Variants in SFMBT2 observed in about 807,000 individuals in gnomAD.
The protein encoded by SFMBT2 is Scm like with four mbt domains 2.
SFMBT2 carries 38 observed loss-of-function variants against 110.1 expected under a neutral mutation model. The observed-to-expected ratio is 0.35, with a 90% CI of 0.27 to 0.45. The LOEUF (loss-of-function observed/expected upper bound fraction) is 0.45. Ranked by LOEUF, SFMBT2 falls within the 20% of genes least tolerant of loss-of-function variation. SFMBT2 has a pLI of 1.00. For missense variants in SFMBT2, 1,011 were observed against 1,094.9 expected, an observed-to-expected ratio of 0.92 and a Z score of 1.08; for synonymous variants, 425 against 425.4, an observed-to-expected ratio of 1.00 and a Z score of 0.01.
At chr10:7,385,196 T>C (rs150651077) in intron 1 of SFMBT2, among the ~76,000 whole-genome samples, 17 of 152,124 alleles carry the variant, frequency 1.1e-4, no homozygotes, top group African/African-American at 4.1e-4. Context: ...ACCTGGAATA[T>C]TACAAAGGGT....
intron 6 of SFMBT2, among the ~76,000 whole-genome samples, chr10:7,277,772 T>G (rs1313503028): frequency 6.6e-6 from 1 of 152,228 alleles, no homozygotes; most frequent in Non-Finnish European, 1.5e-5. Context: ...GTAGATATGT[T>G]TATGCCTTCA....
chr10:7,209,938 G>A (rs550066974), intron 11 of SFMBT2, among the ~76,000 whole-genome samples: 4 of 152,286 alleles, frequency 2.6e-5, no homozygotes, highest in African/African-American at 7.2e-5. Context: ...CATAAATACG[G>A]TATTGCCACA....
intron 16 of SFMBT2, among the ~76,000 whole-genome samples, chr10:7,177,372 G>A (rs1421426950): frequency 2.6e-5 from 4 of 152,086 alleles, no homozygotes; most frequent in Admixed American, 1.3e-4. Context: ...CGCAAAAAGC[G>A]GTAAATCTAA....
intron 4 of SFMBT2, among the ~76,000 whole-genome samples, chr10:7,303,894 T>G (rs1672328169): frequency 6.6e-6 from 1 of 152,122 alleles, no homozygotes; most frequent in Admixed American, 6.5e-5. Context: ...TTACATGGAG[T>G]GGAGAAGATC....
chr10:7,295,625 TTTTA>T (rs770933199), intron 4 of SFMBT2, among the ~76,000 whole-genome samples: 1 of 152,246 alleles, frequency 6.6e-6, no homozygotes, highest in Non-Finnish European at 1.5e-5. Flanking sequence ...TGCCATTTCT[TTTTA>T]TTTTTTATTT....
intron 4 of SFMBT2, among the ~76,000 whole-genome samples, chr10:7,306,742 A>G (rs928966990): frequency 8.6e-5 from 13 of 150,876 alleles, no homozygotes; most frequent in Non-Finnish European, 1.9e-4. Flanking sequence ...AAAAGGGGGG[A>G]AAAAAAAGAG....
intron 4 of SFMBT2, among the ~76,000 whole-genome samples, chr10:7,339,168 A>T (rs1843813582): frequency 1.3e-5 from 2 of 152,332 alleles, no homozygotes; most frequent in South Asian, 4.1e-4. Flanking sequence ...TGAACCCGGG[A>T]GGCGGAGGTT....
chr10:7,334,996 C>T (rs1445218327), intron 4 of SFMBT2, among the ~76,000 whole-genome samples: 3 of 152,150 alleles, frequency 2.0e-5, no homozygotes, highest in Admixed American at 2.0e-4. Flanking sequence ...CATAAATCAC[C>T]AGGATGCTTT....
intron 4 of SFMBT2, among the ~76,000 whole-genome samples, chr10:7,315,028 A>AAG (rs1180719869): frequency 1.1e-3 from 153 of 140,800 alleles, no homozygotes; most frequent in African/African-American, 3.9e-3. Flanking sequence ...AAGAGAGAGA[A>AAG]AGAAAGAAAG....
intron 4 of SFMBT2, among the ~76,000 whole-genome samples, chr10:7,327,680 C>CA (rs780856995): frequency 0.022 from 2,214 of 99,014 alleles, 43 homozygotes; most frequent in African/African-American, 0.064. Flanking sequence ...GACTCTAACT[C>CA]AAAAAAAAAA....
chr10:7,340,496 A>C (rs74116925), intron 4 of SFMBT2, among the ~76,000 whole-genome samples: 1,539 of 151,708 alleles, frequency 0.01, 27 homozygotes, highest in African/African-American at 0.036. Flanking sequence ...TCCTGCATGC[A>C]CTCTGCACTC....
rs1431567794 is a variant in SFMBT2 at position 7,315,025 on chromosome 10, A to AGGAAGAAAGAAAG, written c.437-29072_437-29071insCTTTCTTTCTTCC. ...AAAGAAAGAAAGAAAGAAAAGAGAG[A>AGGAAGAAAGAAAG]GAAAGAAAGAAAGAGAAAGAAAGAA... On this transcript the variant is annotated intron_variant, in intron 4 of 20. Transcript: ENST00000397167. 2.2e-5 allele frequency among the ~76,000 whole-genome samples: 3 copies of AGGAAGAAAGAAAG among 139,162 alleles called. No homozygotes were observed. The East Asian group carries it at 6.1e-4, about 28-fold the overall frequency. 91.3% of individuals were successfully genotyped at this position (139,162 alleles called of 152,430 possible). A position where few individuals can be genotyped will look rare whatever the true frequency, so the allele number is the denominator to read the frequency against.
At chr10:7,375,149 G>A (rs137856020) in intron 2 of SFMBT2, among the ~76,000 whole-genome samples, 253 of 152,302 alleles carry the variant, frequency 1.7e-3, no homozygotes, top group African/African-American at 5.4e-3. Context: ...CATTAGCAGC[G>A]ATCCAGTTTT....
chr10:7,241,763 CTTT>C (rs1264484308), intron 9 of SFMBT2, among the ~76,000 whole-genome samples: 1 of 152,152 alleles, frequency 6.6e-6, no homozygotes, highest in East Asian at 1.9e-4. Context: ...TGTCAATGAT[CTTT>C]TTATGTAATT....
chr10:7,193,123 A>G (rs1403578404), intron 15 of SFMBT2, among the ~76,000 whole-genome samples: 1 of 152,202 alleles, frequency 6.6e-6, no homozygotes, highest in Non-Finnish European at 1.5e-5. Flanking sequence ...GTTACAGCTC[A>G]TCGATTTCCT....
intron 1 of SFMBT2, among the ~76,000 whole-genome samples, chr10:7,396,301 T>C (rs1288525210): frequency 1.3e-5 from 2 of 152,220 alleles, no homozygotes; most frequent in African/African-American, 4.8e-5. Context: ...TGGAGGTTGT[T>C]ATGTATAGAG....
chr10:7,253,002 T>C (rs1005890044), intron 7 of SFMBT2, among the ~76,000 whole-genome samples: 1 of 152,164 alleles, frequency 6.6e-6, no homozygotes, highest in Admixed American at 6.5e-5. Context: ...TGGCCAAAGA[T>C]TTAATCAATC....
intron 4 of SFMBT2, among the ~76,000 whole-genome samples, chr10:7,330,747 C>T (rs1843540129): frequency 6.6e-6 from 1 of 152,176 alleles, no homozygotes; most frequent in Non-Finnish European, 1.5e-5. Context: ...TATGCCCCTT[C>T]CCAAGTCAGA....
intron 7 of SFMBT2, among the ~76,000 whole-genome samples, chr10:7,264,660 G>C (rs1250880896): frequency 2.0e-5 from 3 of 152,082 alleles, no homozygotes; most frequent in East Asian, 3.9e-4. Flanking sequence ...GAAGCACTAG[G>C]GAGTCACTGC....
Sources: allele counts gnomAD v4.1 joint callset (sites outside exome capture counted in the v4.1 genomes callset), GRCh38; gene constraint gnomAD v4.1.1; transcripts MANE v1.5; gene names NCBI Gene and HGNC (gene_info 2026-07-23, HGNC 2026-07-21).